PARP15: variants seen among roughly 807,000 people sequenced by gnomAD.
The protein encoded by PARP15 is poly(ADP-ribose) polymerase family member 15, also known as protein mono-ADP-ribosyltransferase PARP15.
PARP15 carries 50 observed loss-of-function variants against 62.1 expected under a neutral mutation model. The ratio of observed to expected loss-of-function variants is 0.81; its 90% CI spans 0.64 to 1.02. The LOEUF is 1.02. PARP15 is among the 50% of genes least tolerant of loss of function. The pLI is 0.00. For missense variants in PARP15, 820 were observed against 826.5 expected, an observed-to-expected ratio of 0.99 and a Z score of 0.10; for synonymous variants, 309 against 293.1, an observed-to-expected ratio of 1.05 and a Z score of -0.55.
chr3:122,621,863 A>G (rs1020535788), intron 8 of PARP15, among the ~76,000 whole-genome samples: 1 of 152,072 alleles, frequency 6.6e-6, no homozygotes, highest in Non-Finnish European at 1.5e-5. Context: ...CAGTGGTGTA[A>G]TCTCAGCTCA....
intron 1 of PARP15, among the ~76,000 whole-genome samples, chr3:122,591,324 C>G (rs4677963): frequency 0.84 from 127,248 of 152,208 alleles, 53,326 homozygotes; most frequent in East Asian, 0.91. Context: ...TTACAAGTCT[C>G]TCTTTTGGTT....
intron 1 of PARP15, among the ~76,000 whole-genome samples, chr3:122,585,513 A>T (rs933626679): frequency 2.6e-5 from 4 of 152,226 alleles, no homozygotes; most frequent in African/African-American, 9.6e-5. Context: ...GGATCCTGCC[A>T]TGTAGTGTCC....
At chr3:122,577,936 G>A (rs2080715741) in intron 1 of PARP15, 83 bp downstream of exon 1, 7 of 1,391,936 alleles carry the variant, frequency 5.0e-6, no homozygotes, top group Non-Finnish European at 5.7e-6. Flanking sequence ...CCGAGCGGGC[G>A]CAGAGACCCC....
Position 122,621,480 on chromosome 3 carries a change from G to C in PARP15, c.1100G>C (p.Gly367Ala), listed in dbSNP as rs1297924477. 1 of 1,613,476 alleles carries C rather than the reference G, an allele frequency of 6.2e-7. No individual in the cohort carries two copies. The highest frequency in any genetic ancestry group is 1.1e-5 in the South Asian group (1 of 90,882). The part of the protein sequence containing the change: ...QPHRDFIITP[G>A]GCLKCKIIIH... ...CACAGAGATTTTATAATTACACCAG[G>C]TGGATGCTTAAAGTGCAAAATAATA... The change falls in exon 8 of 12, where the codon GGT becomes GCT. Residue 367 changes from glycine to alanine, a missense_variant. Physicochemically the swap from Gly to Ala is moderately conservative, Grantham distance 60. Coordinates refer to ENST00000464300, the MANE Select transcript of PARP15 (RefSeq NM_001113523.3).
At chr3:122,621,883 C>A (rs1936373277) in intron 8 of PARP15, among the ~76,000 whole-genome samples, 2 of 152,218 alleles carry the variant, frequency 1.3e-5, no homozygotes, top group Admixed American at 6.5e-5. Context: ...ACTGCAACCT[C>A]CTCCTCCCAG....
At position 122,621,622 on chromosome 3, in the gene PARP15, T is replaced by C; in HGVS notation, c.1231+11T>C. 2.6e-6 allele frequency: 4 copies of C among 1,566,652 alleles called. No individual in the cohort carries two copies. Among genetic ancestry groups the C allele is most frequent in the African/African-American group, 1.4e-5 (1 of 72,654 alleles). On this transcript the variant is annotated intron_variant, in intron 8 of 11. Transcript: ENST00000464300. ...CAGCCATTGGAACAGGTTTGCAGCT[T>C]ATCATTCTATAATAAAATTTGAGTG...
At chr3:122,613,931 C>T (rs541749131) in intron 4 of PARP15, among the ~76,000 whole-genome samples, 13 of 151,494 alleles carry the variant, frequency 8.6e-5, no homozygotes, top group African/African-American at 1.5e-4. Flanking sequence ...ATGCAGCCTC[C>T]GCCTCCTGGG....
intron 9 of PARP15, among the ~76,000 whole-genome samples, chr3:122,628,169 A>C (rs1936849520): frequency 6.6e-6 from 1 of 152,226 alleles, no homozygotes; most frequent in African/African-American, 2.4e-5. Flanking sequence ...GAAAGAGTAT[A>C]TCCAGTGGAG....
intron 2 of PARP15, among the ~76,000 whole-genome samples, chr3:122,607,932 C>A (rs1340042155): frequency 6.6e-6 from 1 of 152,210 alleles, no homozygotes; most frequent in South Asian, 2.1e-4. Flanking sequence ...TCAGTACTAC[C>A]CTTACCTCCT....
At position 122,610,536 on chromosome 3, in the gene PARP15, G is replaced by A. The variant is rs777406627; in HGVS notation, c.349G>A (p.Gly117Arg). 23 of 1,551,548 alleles carry A rather than the reference G, an allele frequency of 1.5e-5. No individual in the cohort carries two copies. The highest frequency in any genetic ancestry group is 1.7e-5 in the Non-Finnish European group (19 of 1,146,994). ...VNSVPMNLQL[G>R]GGPLSRAFLQ... ...CAGCGTTCCCATGAATCTTCAGCTT[G>A]GAGGAGGACCACTATCTCGGGCATT... is the stretch of plus-strand genomic sequence containing the variant. Residue 117 changes from glycine to arginine, a missense_variant, in exon 3 of 12, where the codon GGA becomes AGA. Around this residue, in one of 3 missense-constraint regions of PARP15, gnomAD observed 731 missense variants for 727.7 expected, o/e 1.00. Transcript: ENST00000464300.
At chr3:122,594,982 A>G (rs1243838083) in intron 1 of PARP15, 1 of 567,330 alleles carries the variant, frequency 1.8e-6, no homozygotes, top group African/African-American at 2.0e-5. Flanking sequence ...TCTGACTACA[A>G]AGGATTAATT....
At chr3:122,614,210 C>T (rs547502931) in intron 4 of PARP15, among the ~76,000 whole-genome samples, 141 of 152,162 alleles carry the variant, frequency 9.3e-4, no homozygotes, top group Non-Finnish European at 1.6e-3. Context: ...ACTATTAAAA[C>T]GGGTGTATTT....
chr3:122,629,943 A>G (rs1936967345), intron 9 of PARP15, among the ~76,000 whole-genome samples: 1 of 152,306 alleles, frequency 6.6e-6, no homozygotes, highest in South Asian at 2.1e-4. Flanking sequence ...ATAAATACAA[A>G]TGAAGCTTTG....
intron 5 of PARP15, among the ~76,000 whole-genome samples, chr3:122,616,294 C>T (rs1935963306): frequency 6.6e-6 from 1 of 150,842 alleles, no homozygotes; most frequent in Admixed American, 6.6e-5. Context: ...GAGTAATATG[C>T]CAACAGGTTA....
chr3:122,636,144 A>T lies in PARP15; in HGVS notation c.*44A>T, dbSNP rs1937361899. ...AGAGATGATTTAAGTCATCTGTAAGAACAACATGCAATCTTTGTCTTTGCT... is the reference window on the plus strand; with the variant it reads ...AGAGATGATTTAAGTCATCTGTAAGTACAACATGCAATCTTTGTCTTTGCT... On this transcript the variant is annotated 3_prime_UTR_variant, in exon 12 of 12. Transcript: ENST00000464300. 1.3e-6 allele frequency: 2 copies of T among 1,541,102 alleles called. No homozygotes were observed. Among genetic ancestry groups the T allele is most frequent in the Non-Finnish European group, 8.8e-7 (1 of 1,130,028 alleles).
At chr3:122,604,034 G>A (rs1296196698) in intron 1 of PARP15, among the ~76,000 whole-genome samples, 2 of 152,198 alleles carry the variant, frequency 1.3e-5, no homozygotes, top group Non-Finnish European at 2.9e-5. Flanking sequence ...GATTAGTAAT[G>A]TCTGTCACAA....
chr3:122,610,577 T>G lies in PARP15; in HGVS notation c.390T>G (p.Gly130=). 3.2e-6 allele frequency: 5 copies of G among 1,551,710 alleles called. No individual in the cohort carries two copies. The highest frequency in any genetic ancestry group is 1.4e-5 in the African/African-American group (1 of 73,140). Residue 130 remains glycine (G), a synonymous_variant, in exon 3 of 12, where the codon GGT becomes GGG. Transcript: ENST00000464300. ...CTCGGGCATTTTTGCAGAAAGCTGG[T>G]CCCATGCTCCAGAAAGAGTTAGATG... ...PLSRAFLQKA[G]PMLQKELDDR...
At chr3:122,589,047 C>T (rs1042795127) in intron 1 of PARP15, among the ~76,000 whole-genome samples, 1 of 152,184 alleles carries the variant, frequency 6.6e-6, no homozygotes, top group Non-Finnish European at 1.5e-5. Context: ...TTTGTTGTCT[C>T]AGTCAGCTTG....
chr3:122,600,078 AT>A (rs1375638273), intron 1 of PARP15, among the ~76,000 whole-genome samples: 1 of 152,324 alleles, frequency 6.6e-6, no homozygotes, highest in East Asian at 1.9e-4. Context: ...GATAGCTATA[AT>A]TCTTAGCAGA....
Sources: allele counts gnomAD v4.1 joint callset (sites outside exome capture counted in the v4.1 genomes callset), GRCh38; gene constraint gnomAD v4.1.1; regional missense constraint gnomAD v4.1.1; transcripts MANE v1.5; gene names NCBI Gene and HGNC (gene_info 2026-07-23, HGNC 2026-07-21).